The following ASIC2 variants were observed in gnomAD, a reference collection of about 807,000 sequenced individuals.
ASIC2 encodes acid sensing ion channel subunit 2.
ASIC2 carries 25 observed loss-of-function variants against 57.3 expected under a neutral mutation model. The observed-to-expected ratio is 0.44, with a 90% CI of 0.32 to 0.61. The LOEUF is 0.61. ASIC2 is among the 20% of genes least tolerant of loss of function. The probability of loss-of-function intolerance (pLI) is 0.06; values close to 1 mark genes in which losing one functional copy is unlikely to be tolerated. For synonymous variants in ASIC2, 319 were observed against 307.5 expected (o/e 1.04, Z -0.39); for missense variants, 641 against 738.1 (o/e 0.87, Z 1.52).
At chr17:33,937,637 A>G (rs1414211726) in intron 1 of ASIC2, among the ~76,000 whole-genome samples, 1 of 152,138 alleles carries the variant, frequency 6.6e-6, no homozygotes, top group Non-Finnish European at 1.5e-5. Flanking sequence ...GGCTATCACA[A>G]ACTTTCCTAT....
rs571835471 is a variant in ASIC2, at chr17:33,184,751, C to G, written c.709-72684G>C. Among the ~76,000 whole-genome samples the G allele has an allele frequency of 7.3e-4, 111 of 152,276 alleles. 1 individual carries two copies. Among genetic ancestry groups the G allele is most frequent in the African/African-American group, 2.6e-3 (107 of 41,558 alleles). ...GCACCTACCAATCCAAAGTAAGTGG[C>G]CTGGAAACCTGTGGCCTCACTGGGT... is the stretch of plus-strand genomic sequence containing the variant. On this transcript the variant is annotated intron_variant, in intron 1 of 9. Coordinates refer to ENST00000225823, the MANE Select transcript of ASIC2 (RefSeq NM_183377.2).
At chr17:33,439,011 T>G (rs940263851) in intron 1 of ASIC2, among the ~76,000 whole-genome samples, 21 of 152,112 alleles carry the variant, frequency 1.4e-4, no homozygotes, top group Admixed American at 9.2e-4. Flanking sequence ...GCCCAGCTAA[T>G]TTTTGTATTT....
At chr17:33,092,947 C>G (rs2092163481) in intron 2 of ASIC2, among the ~76,000 whole-genome samples, 1 of 152,116 alleles carries the variant, frequency 6.6e-6, no homozygotes, top group African/African-American at 2.4e-5. Flanking sequence ...TGTATCTGGT[C>G]AGCTGTGAGC....
chr17:33,619,621 G>A (rs1017721447), intron 1 of ASIC2, among the ~76,000 whole-genome samples: 1 of 152,206 alleles, frequency 6.6e-6, no homozygotes, highest in Non-Finnish European at 1.5e-5. Flanking sequence ...TGAAAATAGA[G>A]TCAATCATTA....
intron 1 of ASIC2, among the ~76,000 whole-genome samples, chr17:33,657,613 G>A (rs1354453892): frequency 1.3e-5 from 2 of 152,034 alleles, no homozygotes; most frequent in African/African-American, 4.8e-5. Flanking sequence ...ACTAAATGAG[G>A]TGCTTGGGGA....
At chr17:33,228,309 C>T (rs887486951) in intron 1 of ASIC2, among the ~76,000 whole-genome samples, 5 of 152,154 alleles carry the variant, frequency 3.3e-5, no homozygotes, top group East Asian at 3.9e-4. Context: ...ACTTGAAAAA[C>T]GATGGTGAAT....
At chr17:33,229,646 A>G (rs1050615172) in intron 1 of ASIC2, among the ~76,000 whole-genome samples, 1 of 152,214 alleles carries the variant, frequency 6.6e-6, no homozygotes, top group Non-Finnish European at 1.5e-5. Context: ...GAGACATGAA[A>G]CGGTACAGCT....
At chr17:33,249,593 G>A (rs1009613109) in intron 1 of ASIC2, among the ~76,000 whole-genome samples, 12 of 152,284 alleles carry the variant, frequency 7.9e-5, no homozygotes, top group South Asian at 4.1e-4. Context: ...GAATAAACAC[G>A]TCAGTGGTGG....
At chr17:33,658,589 T>G (rs1027858672) in intron 1 of ASIC2, among the ~76,000 whole-genome samples, 1 of 152,178 alleles carries the variant, frequency 6.6e-6, no homozygotes, top group East Asian at 1.9e-4. Context: ...GAGGGCCTGT[T>G]GCTCGTAGAT....
At chr17:33,902,707 A>T (rs1237123493) in intron 1 of ASIC2, among the ~76,000 whole-genome samples, 2 of 152,224 alleles carry the variant, frequency 1.3e-5, no homozygotes, top group Non-Finnish European at 2.9e-5. Flanking sequence ...ATCTATGGGT[A>T]TCAGATTTCC....
intron 3 of ASIC2, among the ~76,000 whole-genome samples, chr17:33,032,586 C>T (rs752749871): frequency 2.3e-4 from 35 of 151,542 alleles, no homozygotes; most frequent in Non-Finnish European, 4.3e-4. Context: ...GTAGCTGGGA[C>T]TACAGGGATG....
At chr17:33,047,643 C>G (rs182387746) in intron 3 of ASIC2, among the ~76,000 whole-genome samples, 4 of 152,296 alleles carry the variant, frequency 2.6e-5, no homozygotes, top group Admixed American at 2.6e-4. Context: ...CCTGGCCTTA[C>G]TTTACAGCAA....
intron 1 of ASIC2, among the ~76,000 whole-genome samples, chr17:33,115,637 A>G (rs1250989427): frequency 2.6e-5 from 4 of 152,320 alleles, no homozygotes; most frequent in African/African-American, 9.6e-5. Flanking sequence ...CCACTTTCTC[A>G]GAGAGGTGCT....
intron 1 of ASIC2, among the ~76,000 whole-genome samples, chr17:33,922,466 C>T (rs1207573117): frequency 6.6e-6 from 1 of 152,200 alleles, no homozygotes. Context: ...TCACTTTGTT[C>T]TAGGTGCTAC....
rs74840124 is a variant in ASIC2, at chr17:33,891,605, C to A, written c.555+264373G>T. ...TCACTTTAGGTTAATCCCATAGACA[C>A]TGAGGTTTGAGAGTTAACACATTTC... On this transcript the variant is annotated intron_variant, in intron 1 of 9. Transcript: ENST00000359872. 5.2e-3 allele frequency among the ~76,000 whole-genome samples: 787 copies of A among 152,302 alleles called. 7 individuals are homozygous for A. The highest frequency in any genetic ancestry group is 0.018 in the African/African-American group (748 of 41,564).
At chr17:33,427,679 G>A (rs1180026196) in intron 1 of ASIC2, among the ~76,000 whole-genome samples, 2 of 152,212 alleles carry the variant, frequency 1.3e-5, no homozygotes, top group Non-Finnish European at 2.9e-5. Flanking sequence ...CAGAGCCTCA[G>A]CCCCAAAGGG....
intron 1 of ASIC2, among the ~76,000 whole-genome samples, chr17:33,962,906 C>A (rs1251681295): frequency 6.6e-6 from 1 of 152,172 alleles, no homozygotes. Flanking sequence ...CCTTCCTCAA[C>A]AACTACAGAT....
chr17:33,308,016 T>C (rs948452564), intron 1 of ASIC2, among the ~76,000 whole-genome samples: 1 of 152,234 alleles, frequency 6.6e-6, no homozygotes. Context: ...GGTTCTGCTG[T>C]GCTAGGATGT....
At chr17:33,881,226 C>T (rs1170299966) in intron 1 of ASIC2, among the ~76,000 whole-genome samples, 1 of 152,174 alleles carries the variant, frequency 6.6e-6, no homozygotes, top group Non-Finnish European at 1.5e-5. Context: ...TCTCTCACCA[C>T]TCCTATTCAA....
Sources: gnomAD v4.1 joint callset for allele counts (sites outside exome capture counted in the v4.1 genomes callset) on GRCh38, gnomAD v4.1.1 for gene constraint, MANE v1.5 for transcripts, NCBI Gene and HGNC (gene_info 2026-07-23, HGNC 2026-07-21) for gene names.